Variants in COX10 observed in about 807,000 individuals in gnomAD.
COX10 encodes the protein cytochrome c oxidase assembly factor heme A:farnesyltransferase COX10, also known as protoheme IX farnesyltransferase, mitochondrial.
Under a neutral mutation model 37.3 loss-of-function variants are expected in COX10, and 27 were observed. The observed-to-expected ratio is 0.72, with a 90% confidence interval of 0.53 to 1.00. COX10 has a LOEUF of 1.00. Among genes scored for constraint, COX10 ranks in the 50% least tolerant of loss-of-function variants. The probability of loss-of-function intolerance (pLI) is 0.00; values close to 1 mark genes in which losing one functional copy is unlikely to be tolerated. For synonymous variants in COX10, 222 were observed against 229.1 expected (o/e 0.97, Z 0.28); for missense variants, 475 against 563.2 (o/e 0.84, Z 1.59).
intron 5 of COX10, among the ~76,000 whole-genome samples, chr17:14,183,791 A>C (rs1905941827): frequency 6.6e-6 from 1 of 152,140 alleles, no homozygotes; most frequent in African/African-American, 2.4e-5. Context: ...ATTCTGTCTT[A>C]TTTCATCTGT....
At chr17:14,183,889 C>G (rs1905945527) in intron 5 of COX10, among the ~76,000 whole-genome samples, 2 of 152,204 alleles carry the variant, frequency 1.3e-5, no homozygotes, top group African/African-American at 4.8e-5. Context: ...AGACTAAACT[C>G]TTGCTGTTTT....
chr17:14,123,333 A>G (rs1004808227), intron 4 of COX10, among the ~76,000 whole-genome samples: 2 of 152,170 alleles, frequency 1.3e-5, no homozygotes, highest in Non-Finnish European at 2.9e-5. Flanking sequence ...TTCACAATCT[A>G]TCATAGTGAA....
At chr17:14,080,599 GT>G (rs1436285645) in intron 3 of COX10, among the ~76,000 whole-genome samples, 24 of 152,272 alleles carry the variant, frequency 1.6e-4, no homozygotes, top group South Asian at 6.2e-4. Context: ...ATTGAAAAAG[GT>G]TTTGTATGCG....
intron 5 of COX10, among the ~76,000 whole-genome samples, chr17:14,183,338 A>C (rs1261292536): frequency 1.3e-5 from 2 of 152,178 alleles, no homozygotes; most frequent in Non-Finnish European, 2.9e-5. Flanking sequence ...GACCACCCCC[A>C]TCAAATAGTG....
At chr17:14,080,206 G>A (rs1915257025) in intron 3 of COX10, among the ~76,000 whole-genome samples, 1 of 150,428 alleles carries the variant, frequency 6.6e-6, no homozygotes, top group Admixed American at 6.6e-5. Flanking sequence ...ACAGCATTTG[G>A]GAATTAGACT....
At chr17:14,129,640 C>A (rs1430267911) in intron 4 of COX10, among the ~76,000 whole-genome samples, 1 of 152,134 alleles carries the variant, frequency 6.6e-6, no homozygotes, top group Non-Finnish European at 1.5e-5. Flanking sequence ...TGAGAAAACT[C>A]CCCATAATTA....
At chr17:14,170,594 C>G (rs760739341) in intron 5 of COX10, among the ~76,000 whole-genome samples, 13 of 152,148 alleles carry the variant, frequency 8.5e-5, no homozygotes, top group Non-Finnish European at 1.6e-4. Context: ...GTGGGCAGAT[C>G]GCTTGAGGCC....
chr17:14,168,763 G>T (rs993654087), intron 5 of COX10, among the ~76,000 whole-genome samples: 4 of 152,156 alleles, frequency 2.6e-5, no homozygotes, highest in African/African-American at 9.7e-5. Flanking sequence ...ATGTCCTGAG[G>T]CTGTACAGAA....
intron 5 of COX10, among the ~76,000 whole-genome samples, chr17:14,172,578 C>CTTTTTTTTTTTTTTTTTTTTTTTT (rs57560461): frequency 9.5e-6 from 1 of 105,636 alleles, no homozygotes; most frequent in African/African-American, 3.4e-5. Flanking sequence ...TTTTCTTTTT[C>CTTTTTTTTTTTTTTTTTTTTTTTT]TTTTTTTTTT....
At chr17:14,168,214 T>A (rs1329435839) in intron 5 of COX10, among the ~76,000 whole-genome samples, 3 of 152,172 alleles carry the variant, frequency 2.0e-5, no homozygotes, top group African/African-American at 7.2e-5. Flanking sequence ...AGCTCCAAAA[T>A]AATCTCTTTT....
chr17:14,126,079 G>A (rs1567596955), intron 4 of COX10, among the ~76,000 whole-genome samples: 1 of 151,902 alleles, frequency 6.6e-6, no homozygotes. Flanking sequence ...ATTAATAAGG[G>A]GTACTTGTGT....
intron 5 of COX10, chr17:14,177,035 A>G: frequency 2.6e-6 from 1 of 388,540 alleles, no homozygotes; most frequent in South Asian, 1.3e-4. Flanking sequence ...AATCAATGCA[A>G]TGACATTGTC....
rs899124768 is a variant in COX10, at chr17:14,074,308, C to T, written c.44-15C>T. 4 of 1,613,826 alleles carry T rather than the reference C, an allele frequency of 2.5e-6. No homozygotes were observed. The highest frequency in any genetic ancestry group is 1.7e-5 in the Admixed American group (1 of 59,994). ...GAATCATTTAACCTTTCTTCCACTT[C>T]TCTCTCTATTATAGGTTGCGTAGGA... On this transcript the variant is annotated splice_polypyrimidine_tract_variant and intron_variant, in intron 1 of 6. Transcript: ENST00000261643.
chr17:14,114,880 G>A (rs1369155373), intron 4 of COX10, among the ~76,000 whole-genome samples: 1 of 151,852 alleles, frequency 6.6e-6, no homozygotes, highest in Non-Finnish European at 1.5e-5. Flanking sequence ...AGTTAGATAG[G>A]GCTTAATTTA....
At chr17:14,175,850 G>A (rs975754226) in intron 5 of COX10, among the ~76,000 whole-genome samples, 10 of 151,096 alleles carry the variant, frequency 6.6e-5, no homozygotes, top group Non-Finnish European at 1.2e-4. Context: ...GGGAACGTAC[G>A]GTGGCCAGAG....
intron 3 of COX10, among the ~76,000 whole-genome samples, chr17:14,085,030 T>G (rs190087144): frequency 2.0e-5 from 3 of 152,322 alleles, no homozygotes; most frequent in East Asian, 3.9e-4. Flanking sequence ...ATGTTAGCAG[T>G]ACAGCCTCTG....
intron 5 of COX10, chr17:14,182,094 C>A (rs1450001275): frequency 1.0e-6 from 1 of 982,600 alleles, no homozygotes; most frequent in Non-Finnish European, 1.2e-6. Context: ...CAGCGTAGAT[C>A]TGGTTTGTTT....
chr17:14,146,882 C>T (rs1275665242), intron 4 of COX10, among the ~76,000 whole-genome samples: 4 of 152,084 alleles, frequency 2.6e-5, no homozygotes, highest in Admixed American at 2.6e-4. Flanking sequence ...GGCAGACAGG[C>T]ATATGAGAAG....
chr17:14,181,827 T>C (rs1248606438), intron 5 of COX10, among the ~76,000 whole-genome samples: 1 of 152,130 alleles, frequency 6.6e-6, no homozygotes, highest in African/African-American at 2.4e-5. Context: ...CTGATTTTCA[T>C]AGCTGGGACA....
Sources: allele counts gnomAD v4.1 joint callset (sites outside exome capture counted in the v4.1 genomes callset), GRCh38; gene constraint gnomAD v4.1.1; transcripts MANE v1.5; gene names NCBI Gene and HGNC (gene_info 2026-07-23, HGNC 2026-07-21).